UIMC1: variants seen among roughly 807,000 people sequenced by gnomAD.
UIMC1 encodes the protein ubiquitin interaction motif containing 1.
In UIMC1, 42 loss-of-function variants were observed where a neutral mutation model predicts 84.9. The observed-to-expected ratio is 0.49, with a 90% CI of 0.39 to 0.64. UIMC1 has a LOEUF of 0.64. Ranked by LOEUF, UIMC1 falls within the 30% of genes least tolerant of loss-of-function variation. The pLI is 0.00. For missense variants in UIMC1, 825 were observed against 847.6 expected, an observed-to-expected ratio of 0.97 and a Z score of 0.33; for synonymous variants, 281 against 293.0, an observed-to-expected ratio of 0.96 and a Z score of 0.42.
chr5:176,940,863 A>G (rs1764331904), intron 10 of UIMC1, among the ~76,000 whole-genome samples: 1 of 152,220 alleles, frequency 6.6e-6, no homozygotes, highest in Non-Finnish European at 1.5e-5. Flanking sequence ...TTAACCTCAC[A>G]AAAACTGAAC....
intron 12 of UIMC1, among the ~76,000 whole-genome samples, chr5:176,907,569 G>A (rs1218710462): frequency 3.3e-5 from 5 of 152,194 alleles, no homozygotes; most frequent in African/African-American, 1.2e-4. Context: ...CCCCATTTTA[G>A]TGTGTACAGT....
intron 10 of UIMC1, among the ~76,000 whole-genome samples, chr5:176,933,963 G>C (rs967017945): frequency 2.0e-5 from 3 of 152,108 alleles, no homozygotes; most frequent in African/African-American, 7.2e-5. Context: ...ACCTTCCTTT[G>C]TGGGTGGTTA....
At chr5:176,966,329 T>G (rs1768297651) in intron 6 of UIMC1, among the ~76,000 whole-genome samples, 1 of 152,348 alleles carries the variant, frequency 6.6e-6, no homozygotes, top group South Asian at 2.1e-4. Context: ...GACGTGAAAC[T>G]GGGATTCAAA....
intron 13 of UIMC1, among the ~76,000 whole-genome samples, chr5:176,906,330 C>G (rs967756940): frequency 2.6e-5 from 4 of 152,210 alleles, no homozygotes; most frequent in African/African-American, 9.6e-5. Flanking sequence ...AATCTGCCAC[C>G]TGCAGAGATT....
chr5:176,914,084 C>CACCACACCAT (rs1554106322), intron 10 of UIMC1, among the ~76,000 whole-genome samples: 3,441 of 149,772 alleles, frequency 0.023, 151 homozygotes, highest in African/African-American at 0.083. Flanking sequence ...CACCACACCA[C>CACCACACCAT]ACCATACCAT....
intron 2 of UIMC1, among the ~76,000 whole-genome samples, chr5:176,977,189 CT>C (rs1770226854): frequency 2.1e-5 from 3 of 142,612 alleles, no homozygotes; most frequent in African/African-American, 8.1e-5. Flanking sequence ...CGCCACTGCT[CT>C]ACAGCCTGGG....
chr5:176,952,831 T>C (rs980431583), intron 8 of UIMC1, among the ~76,000 whole-genome samples: 1 of 152,136 alleles, frequency 6.6e-6, no homozygotes, highest in Non-Finnish European at 1.5e-5. Context: ...ACTTCTGCTG[T>C]AGACACATAT....
At chr5:176,982,243 CTATAT>C (rs1383684522) in intron 2 of UIMC1, among the ~76,000 whole-genome samples, 2 of 152,182 alleles carry the variant, frequency 1.3e-5, no homozygotes, top group African/African-American at 2.4e-5. Context: ...CTTTGGATTA[CTATAT>C]TATAAAACTG....
At chr5:176,976,569 G>C (rs556207385) in intron 2 of UIMC1, among the ~76,000 whole-genome samples, 57 of 152,240 alleles carry the variant, frequency 3.7e-4, no homozygotes, top group African/African-American at 1.3e-3. Context: ...ACTGTTGGTG[G>C]GAATATAAAA....
intron 1 of UIMC1, among the ~76,000 whole-genome samples, chr5:177,015,182 A>G (rs1775644987): frequency 1.3e-5 from 2 of 152,242 alleles, no homozygotes; most frequent in Admixed American, 6.5e-5. Flanking sequence ...CGGAGATTAT[A>G]TTAGTTAATC....
intron 6 of UIMC1, among the ~76,000 whole-genome samples, chr5:176,959,006 T>A (rs976964689): frequency 2.6e-5 from 4 of 152,234 alleles, no homozygotes; most frequent in African/African-American, 9.6e-5. Context: ...ATGAATAACC[T>A]AAACAAGTTA....
intron 6 of UIMC1, among the ~76,000 whole-genome samples, chr5:176,968,349 G>A (rs573375906): frequency 2.6e-5 from 4 of 151,884 alleles, no homozygotes; most frequent in Admixed American, 1.3e-4. Context: ...CTCCAGCCTG[G>A]GAGACAGAGC....
intron 9 of UIMC1, among the ~76,000 whole-genome samples, chr5:176,950,216 C>T (rs1765690530): frequency 6.7e-6 from 1 of 150,098 alleles, no homozygotes; most frequent in Non-Finnish European, 1.5e-5. Flanking sequence ...TCTCCTGCCT[C>T]AGCCTCCCAA....
intron 8 of UIMC1, 127 bp from the exon 9 acceptor site, chr5:176,951,704 G>T (rs925402020): frequency 3.4e-6 from 2 of 596,372 alleles, no homozygotes; most frequent in Non-Finnish European, 5.6e-6. Flanking sequence ...TATATTAATA[G>T]ATCTAGTTTG....
At chr5:176,935,228 A>G (rs1763585594) in intron 10 of UIMC1, among the ~76,000 whole-genome samples, 2 of 152,148 alleles carry the variant, frequency 1.3e-5, no homozygotes, top group Admixed American at 1.3e-4. Context: ...TTCCTTTCAT[A>G]ATGCCCACAC....
chr5:176,969,918 A>G, intron 4 of UIMC1: 1 of 484,060 alleles, frequency 2.1e-6, no homozygotes, highest in East Asian at 3.2e-5. Context: ...TAAAACAGGG[A>G]GGCAAATGGC....
chr5:176,991,422 G>A (rs1334108617), intron 1 of UIMC1, among the ~76,000 whole-genome samples: 1 of 151,950 alleles, frequency 6.6e-6, no homozygotes, highest in East Asian at 1.9e-4. Flanking sequence ...CAACTGAGGG[G>A]AAAGAATATG....
intron 5 of UIMC1, 91 bp downstream of exon 5, chr5:176,969,510 T>G (rs1768874855): frequency 1.5e-6 from 2 of 1,372,986 alleles, no homozygotes; most frequent in Non-Finnish European, 2.0e-6. Flanking sequence ...CAAAAGGATC[T>G]GGGGTATTTC....
At chr5:177,016,339 G>A (rs1323775657) in intron 1 of UIMC1, among the ~76,000 whole-genome samples, 1 of 150,326 alleles carries the variant, frequency 6.7e-6, no homozygotes, top group Non-Finnish European at 1.5e-5. Flanking sequence ...CCTCCAACCT[G>A]GATGACAGAG....
Sources: gnomAD v4.1 joint callset for allele counts (sites outside exome capture counted in the v4.1 genomes callset) on GRCh38, gnomAD v4.1.1 for gene constraint, MANE v1.5 for transcripts, NCBI Gene and HGNC (gene_info 2026-07-23, HGNC 2026-07-21) for gene names.